CDH12: variants seen among roughly 807,000 people sequenced by gnomAD.
CDH12 encodes cadherin 12, also known as cadherin-12.
Under a neutral mutation model 74.1 loss-of-function variants are expected in CDH12, and 41 were observed. The observed-to-expected ratio is 0.55, with a 90% CI of 0.43 to 0.72. CDH12 has a LOEUF of 0.72. CDH12 is among the 30% of genes least tolerant of loss of function. The pLI, the probability that CDH12 is intolerant of heterozygous loss-of-function variation, is 0.00. For synonymous variants in CDH12, 399 were observed against 355.0 expected (o/e 1.12, Z -1.39); for missense variants, 945 against 977.2 (o/e 0.97, Z 0.44).
intron 1 of CDH12, among the ~76,000 whole-genome samples, chr5:22,640,286 A>G (rs1739077350): frequency 6.6e-6 from 1 of 152,192 alleles, no homozygotes; most frequent in Admixed American, 6.5e-5. Context: ...ATGTGATAGT[A>G]TATACAAAAT....
intron 2 of CDH12, among the ~76,000 whole-genome samples, chr5:22,472,973 A>G (rs1294559526): frequency 6.6e-6 from 1 of 152,122 alleles, no homozygotes; most frequent in Non-Finnish European, 1.5e-5. Flanking sequence ...ACTCATTACC[A>G]TGACCTTTGA....
chr5:22,049,763 T>A (rs892063245), intron 5 of CDH12, among the ~76,000 whole-genome samples: 1 of 152,106 alleles, frequency 6.6e-6, no homozygotes, highest in Admixed American at 6.6e-5. Flanking sequence ...CTATTTCTTT[T>A]TCGGTTCACC....
intron 12 of CDH12, among the ~76,000 whole-genome samples, chr5:21,764,451 C>T (rs1744897367): frequency 6.7e-6 from 1 of 150,160 alleles, no homozygotes; most frequent in Middle Eastern, 3.5e-3. Context: ...AGTTCGAGTC[C>T]AGCCTGGCTA....
intron 3 of CDH12, among the ~76,000 whole-genome samples, chr5:22,400,818 A>C (rs1378492214): frequency 6.6e-6 from 1 of 152,090 alleles, no homozygotes; most frequent in Non-Finnish European, 1.5e-5. Flanking sequence ...TTGGCATGCT[A>C]CATTTGTCCT....
intron 6 of CDH12, among the ~76,000 whole-genome samples, chr5:21,862,520 G>A (rs1445601941): frequency 6.6e-6 from 1 of 152,014 alleles, no homozygotes; most frequent in Non-Finnish European, 1.5e-5. Context: ...ATTCATTCAT[G>A]TCTTCTTTCA....
intron 1 of CDH12, among the ~76,000 whole-genome samples, chr5:22,777,394 T>C (rs1747158377): frequency 1.3e-5 from 2 of 152,266 alleles, no homozygotes; most frequent in Non-Finnish European, 1.5e-5. Context: ...ATTTTTCTCA[T>C]AAGAGTTACT....
chr5:22,456,103 GATA>G (rs1745255136), intron 2 of CDH12, among the ~76,000 whole-genome samples: 8 of 110,756 alleles, frequency 7.2e-5, no homozygotes, highest in African/African-American at 3.1e-4. Flanking sequence ...CTGCCATGTG[GATA>G]TTATATATAT....
At chr5:21,795,320 G>T (rs912593475) in intron 10 of CDH12, among the ~76,000 whole-genome samples, 2 of 151,710 alleles carry the variant, frequency 1.3e-5, no homozygotes, top group African/African-American at 4.8e-5. Flanking sequence ...TAGTTTCTCA[G>T]ATATTTTTCT....
intron 4 of CDH12, among the ~76,000 whole-genome samples, chr5:22,173,833 C>A (rs1393206034): frequency 1.3e-5 from 2 of 151,652 alleles, no homozygotes; most frequent in African/African-American, 4.8e-5. Context: ...ATAAAGTACG[C>A]TTAAAGAAAT....
chr5:22,328,311 A>T (rs1420877159), intron 3 of CDH12, among the ~76,000 whole-genome samples: 1 of 152,204 alleles, frequency 6.6e-6, no homozygotes, highest in Non-Finnish European at 1.5e-5. Flanking sequence ...CTTATGATTT[A>T]TGCTTTAAAA....
chr5:22,344,353 C>A (rs1740020966), intron 3 of CDH12, among the ~76,000 whole-genome samples: 1 of 151,892 alleles, frequency 6.6e-6, no homozygotes, highest in Admixed American at 6.6e-5. Flanking sequence ...GCTTTCTAAG[C>A]TAAAGTTTAA....
intron 2 of CDH12, among the ~76,000 whole-genome samples, chr5:22,428,130 G>A (rs1276143263): frequency 6.6e-6 from 1 of 151,424 alleles, no homozygotes; most frequent in Non-Finnish European, 1.5e-5. Context: ...ATTCTGAAAG[G>A]AAATATTCTA....
intron 4 of CDH12, among the ~76,000 whole-genome samples, chr5:22,090,269 A>G (rs1449985103): frequency 1.3e-5 from 2 of 152,138 alleles, no homozygotes; most frequent in African/African-American, 4.8e-5. Flanking sequence ...TATGCCAACA[A>G]ATTAAACAAC....
intron 1 of CDH12, among the ~76,000 whole-genome samples, chr5:22,592,185 A>C (rs1354317803): frequency 6.6e-6 from 1 of 152,248 alleles, no homozygotes; most frequent in African/African-American, 2.4e-5. Context: ...TGAATTAAAA[A>C]TAAAATCTCT....
chr5:21,872,338 G>T (rs1166613881), intron 6 of CDH12, among the ~76,000 whole-genome samples: 1 of 152,150 alleles, frequency 6.6e-6, no homozygotes, highest in African/African-American at 2.4e-5. Flanking sequence ...TACTTTGATG[G>T]ATAAGTGAAT....
At chr5:21,859,270 A>G (rs1355868699) in intron 6 of CDH12, among the ~76,000 whole-genome samples, 2 of 151,918 alleles carry the variant, frequency 1.3e-5, no homozygotes, top group East Asian at 3.9e-4. Flanking sequence ...GAAACTTACA[A>G]TCAGGAGGGA....
At chr5:22,366,497 C>CCTT (rs1450838637) in intron 3 of CDH12, among the ~76,000 whole-genome samples, 1 of 152,044 alleles carries the variant, frequency 6.6e-6, no homozygotes, top group Non-Finnish European at 1.5e-5. Context: ...TGTGAAAGGT[C>CCTT]CTTCTGGAGA....
chr5:22,017,431 C>T (rs1352598952), intron 5 of CDH12, among the ~76,000 whole-genome samples: 3 of 152,144 alleles, frequency 2.0e-5, no homozygotes, highest in Non-Finnish European at 4.4e-5. Flanking sequence ...CCTATGAAAA[C>T]TTCAATCCAG....
chr5:22,416,081 T>C (rs1743374709), intron 2 of CDH12, among the ~76,000 whole-genome samples: 1 of 127,606 alleles, frequency 7.8e-6, no homozygotes, highest in African/African-American at 3.0e-5. Flanking sequence ...TTTTTTTTTT[T>C]TTTTTTTTTT....
Sources: gnomAD v4.1 joint callset for allele counts (sites outside exome capture counted in the v4.1 genomes callset) on GRCh38, gnomAD v4.1.1 for gene constraint, MANE v1.5 for transcripts, NCBI Gene and HGNC (gene_info 2026-07-23, HGNC 2026-07-21) for gene names.